The following FSTL4 variants were observed in gnomAD, a reference collection of about 807,000 sequenced individuals.
The protein encoded by FSTL4 is follistatin-related protein 4.
A neutral mutation model predicts 78.2 loss-of-function variants in FSTL4; 28 were observed. The ratio of observed to expected loss-of-function variants is 0.36; its 90% confidence interval spans 0.27 to 0.49. FSTL4 has a LOEUF of 0.49. Ranked by LOEUF, FSTL4 falls within the 20% of genes least tolerant of loss-of-function variation. FSTL4 has a pLI of 0.98. For synonymous variants in FSTL4, 422 were observed against 440.5 expected (o/e 0.96, Z 0.53); for missense variants, 922 against 1,084.9 (o/e 0.85, Z 2.11).
chr5:133,518,519 T>A (rs1239832986), intron 3 of FSTL4, among the ~76,000 whole-genome samples: 1 of 152,248 alleles, frequency 6.6e-6, no homozygotes, highest in Non-Finnish European at 1.5e-5. Context: ...AGCATTATCT[T>A]CAATTTCTGG....
intron 3 of FSTL4, among the ~76,000 whole-genome samples, chr5:133,402,194 C>A (rs534053456): frequency 2.0e-5 from 3 of 152,274 alleles, no homozygotes; most frequent in African/African-American, 7.2e-5. Flanking sequence ...TGCCACATTG[C>A]TTGAGTGTCC....
At chr5:133,720,073 T>C in the FSTL4 span, among the ~76,000 whole-genome samples, 1 of 152,196 alleles carries the variant, frequency 6.6e-6, no homozygotes, top group Non-Finnish European at 1.5e-5. Flanking sequence ...GATAGGTGTA[T>C]AACAGGCCTA....
chr5:133,701,505 A>ACC, the FSTL4 span, among the ~76,000 whole-genome samples: 2 of 123,922 alleles, frequency 1.6e-5, no homozygotes, highest in South Asian at 2.7e-4. Context: ...ACACACACAC[A>ACC]CACACCCCAC....
chr5:133,506,217 A>C (rs1284549312), intron 3 of FSTL4, among the ~76,000 whole-genome samples: 1 of 152,200 alleles, frequency 6.6e-6, no homozygotes, highest in Non-Finnish European at 1.5e-5. Context: ...ATATGCTCTT[A>C]CCTCGTTAGG....
intron 6 of FSTL4, among the ~76,000 whole-genome samples, chr5:133,275,157 G>A (rs1244246816): frequency 3.9e-5 from 6 of 151,990 alleles, no homozygotes; most frequent in South Asian, 2.1e-4. Flanking sequence ...ACAGCTATTC[G>A]GGAGGCTGAG....
chr5:133,582,589 C>G (rs1270913359), intron 2 of FSTL4, among the ~76,000 whole-genome samples: 1 of 152,148 alleles, frequency 6.6e-6, no homozygotes, highest in African/African-American at 2.4e-5. Context: ...TAGGCAACAG[C>G]TGGGAGACAC....
In FSTL4 at chr5:133,440,757, C is replaced by A. The variant is rs779531761; in HGVS notation, c.161-39771G>T. Among the ~76,000 whole-genome samples, 2 of 152,168 alleles carry A rather than the reference C, an allele frequency of 1.3e-5. No individual in the cohort carries two copies. Among genetic ancestry groups the A allele is most frequent in the Admixed American group, 1.3e-4 (2 of 15,282 alleles). On this transcript the variant is annotated intron_variant, in intron 3 of 15. Transcript: ENST00000265342. The surrounding 1 kb of genome is among the most constrained non-coding windows in gnomAD (Gnocchi z 4.1). ...TAGCCCAGACACAGCGTGGAAGACA[C>A]GTTTCAGGCAGGACATGAGAACCAC...
intron 2 of FSTL4, among the ~76,000 whole-genome samples, chr5:133,570,657 T>C (rs943795763): frequency 6.6e-6 from 1 of 152,196 alleles, no homozygotes; most frequent in African/African-American, 2.4e-5. Flanking sequence ...AACTTCTTCT[T>C]TGTGCCATAA....
At chr5:133,841,591 A>T in the FSTL4 span, among the ~76,000 whole-genome samples, 2 of 152,046 alleles carry the variant, frequency 1.3e-5, no homozygotes, top group Non-Finnish European at 2.9e-5. Context: ...ACCACTCCCC[A>T]CTGTGAGGTA....
intron 14 of FSTL4, among the ~76,000 whole-genome samples, chr5:133,203,514 A>T (rs1750394177): frequency 6.6e-6 from 1 of 152,076 alleles, no homozygotes; most frequent in African/African-American, 2.4e-5. Flanking sequence ...GGCTGGAGTG[A>T]TGCAAGCCAT....
chr5:133,800,333 G>T, the FSTL4 span, among the ~76,000 whole-genome samples: 2 of 138,306 alleles, frequency 1.4e-5, no homozygotes, highest in African/African-American at 5.3e-5. Flanking sequence ...AAGGTTTAGG[G>T]CAGGGGTATC....
chr5:133,421,561 G>T lies in FSTL4; in HGVS notation c.161-20575C>A, dbSNP rs567531636. 2.0e-5 allele frequency among the ~76,000 whole-genome samples: 3 copies of T among 152,374 alleles called. No homozygotes were observed. In the East Asian group the frequency reaches 5.8e-4, roughly 29 times the overall value. ...GCCCTTGTGGTGTGCATTCCACGGG[G>T]TGGCCATTGCCCTAACGGTGGGTAA... is the stretch of plus-strand genomic sequence containing the variant. On this transcript the variant is annotated intron_variant, in intron 3 of 15. Coordinates refer to ENST00000265342, the MANE Select transcript of FSTL4 (RefSeq NM_015082.2).
intron 3 of FSTL4, among the ~76,000 whole-genome samples, chr5:133,454,843 T>C (rs547358836): frequency 6.6e-6 from 1 of 151,822 alleles, no homozygotes; most frequent in Non-Finnish European, 1.5e-5. Flanking sequence ...CTGCAATTTC[T>C]GAGACCCCAA....
Position 133,316,481 on chromosome 5 carries a change from A to G in FSTL4, c.581T>C (p.Leu194Pro). 1 of 1,614,072 alleles carries G rather than the reference A, an allele frequency of 6.2e-7. No homozygotes were observed. Among genetic ancestry groups the G allele is most frequent in the Non-Finnish European group, 8.5e-7 (1 of 1,179,956 alleles). Residue 194 changes from leucine (L) to proline (P), a missense_variant, in exon 5 of 16, where the codon CTC becomes CCC. By Grantham distance (98) the Leu-to-Pro change is moderately conservative. Transcript: ENST00000265342. ...CACCTGAGCCAGTTCGGAGCTGCTG[A>G]GGTGGCCATTGCCATCTGCATCTAA... ...RDLDADGNGH[L>P]SSSELAQHVL...
chr5:133,739,261 C>A, the FSTL4 span, among the ~76,000 whole-genome samples: 32 of 151,502 alleles, frequency 2.1e-4, no homozygotes, highest in Non-Finnish European at 3.8e-4. Flanking sequence ...CCTAAGAAAC[C>A]AATGAGGGCT....
the FSTL4 span, among the ~76,000 whole-genome samples, chr5:133,748,238 A>G: frequency 6.6e-6 from 1 of 151,644 alleles, no homozygotes; most frequent in East Asian, 2.0e-4. Flanking sequence ...TTCTTCAACC[A>G]ACTGCTCCCT....
chr5:133,675,897 G>A, the FSTL4 span, among the ~76,000 whole-genome samples: 2 of 152,132 alleles, frequency 1.3e-5, no homozygotes, highest in Non-Finnish European at 2.9e-5. Context: ...TGGTCTCCGG[G>A]CCTGGCAACA....
chr5:133,216,436 C>T lies in FSTL4; in HGVS notation c.1608+793G>A, dbSNP rs142655069. On this transcript the variant is annotated intron_variant, in intron 13 of 15. Transcript: ENST00000265342. ...CTCCCGTCAAGTGATTCTCCTGCCTCGGCCTCCCGTCAAGTGATTCTCCTG... is the reference window on the plus strand; with the variant it reads ...CTCCCGTCAAGTGATTCTCCTGCCTTGGCCTCCCGTCAAGTGATTCTCCTG... Among the ~76,000 whole-genome samples the T allele has an allele frequency of 1.1e-3, 167 of 152,274 alleles. 1 individual carries two copies. The highest frequency in any genetic ancestry group is 3.7e-3 in the African/African-American group (153 of 41,538).
At position 133,611,690 on chromosome 5, in the gene FSTL4, A is replaced by AGTC. The variant is rs1213796865; in HGVS notation, c.-11+632_-11+634dup. On this transcript the variant is annotated intron_variant, in intron 1 of 15. Transcript: ENST00000265342. This position sits in a 1 kb window ranked among gnomAD's most constrained non-coding sequence, Gnocchi z 4.9. ...ACAAGCAGCGCCGCAGGCTGCCTGG[A>AGTC]GTCGGGTCGTGCCCTGATTCCTTCC... Among the ~76,000 whole-genome samples the AGTC allele has an allele frequency of 6.6e-6, 1 of 152,166 alleles. No individual in the cohort carries two copies. Among genetic ancestry groups the AGTC allele is most frequent in the Non-Finnish European group, 1.5e-5 (1 of 68,032 alleles).
Sources: allele counts gnomAD v4.1 joint callset (sites outside exome capture counted in the v4.1 genomes callset), GRCh38; gene constraint gnomAD v4.1.1; non-coding constraint Gnocchi (gnomAD v3.1); transcripts MANE v1.5; gene names NCBI Gene and HGNC (gene_info 2026-07-23, HGNC 2026-07-21).